PPP2CA: variants seen among roughly 807,000 people sequenced by gnomAD.
The protein encoded by PPP2CA is protein phosphatase 2 catalytic subunit alpha.
PPP2CA carries 5 observed loss-of-function variants against 38.8 expected under a neutral mutation model. That is an observed-to-expected ratio of 0.13 (90% CI 0.07 to 0.27). PPP2CA has a LOEUF of 0.27. Among genes scored for constraint, PPP2CA ranks in the 10% least tolerant of loss-of-function variants. PPP2CA has a pLI of 1.00. For missense variants in PPP2CA, 88 were observed against 389.7 expected (o/e 0.23, Z 6.52); for synonymous variants, 152 against 134.0 (o/e 1.13, Z -0.93).
chr5:134,225,652 G>C (rs536309148), intron 1 of PPP2CA, 108 bp downstream of exon 1: 1 of 960,594 alleles, frequency 1.0e-6, no homozygotes, highest in Non-Finnish European at 1.5e-6. Flanking sequence ...TCGGAGACTC[G>C]GGGGGCCCGG....
chr5:134,216,359 A>C (rs562144516), intron 1 of PPP2CA, among the ~76,000 whole-genome samples: 6 of 151,642 alleles, frequency 4.0e-5, no homozygotes, highest in Non-Finnish European at 8.8e-5. Context: ...CAACATGGCG[A>C]AACACCCCCT....
At chr5:134,220,478 A>AAAAAAG (rs1762415381) in intron 1 of PPP2CA, among the ~76,000 whole-genome samples, 1 of 146,462 alleles carries the variant, frequency 6.8e-6, no homozygotes, top group Non-Finnish European at 1.5e-5. Context: ...AAAAAAAAAA[A>AAAAAAG]GCCCACAAAA....
At chr5:134,205,331 C>A (rs1183211299) in intron 2 of PPP2CA, among the ~76,000 whole-genome samples, 1 of 151,706 alleles carries the variant, frequency 6.6e-6, no homozygotes, top group African/African-American at 2.4e-5. Flanking sequence ...CCTCTCCATA[C>A]CCCAATTTAC....
intron 2 of PPP2CA, among the ~76,000 whole-genome samples, chr5:134,202,924 T>C (rs1762000193): frequency 6.6e-6 from 1 of 152,204 alleles, no homozygotes; most frequent in African/African-American, 2.4e-5. Context: ...TTCTAATAGA[T>C]GTGAAGTAGT....
chr5:134,210,262 T>G (rs1356802731), intron 1 of PPP2CA, among the ~76,000 whole-genome samples: 1 of 152,230 alleles, frequency 6.6e-6, no homozygotes, highest in African/African-American at 2.4e-5. Context: ...AAGATGGTTA[T>G]ACAATCTCAA....
At chr5:134,198,893 ATG>A (rs200498266) in intron 6 of PPP2CA, among the ~76,000 whole-genome samples, 191 bp downstream of exon 6, 2,624 of 152,190 alleles carry the variant, frequency 0.017, 33 homozygotes, top group African/African-American at 0.038. Context: ...CATTTAAACT[ATG>A]TATTCAGGCT....
intron 1 of PPP2CA, among the ~76,000 whole-genome samples, chr5:134,209,315 A>G (rs539574701): frequency 2.0e-5 from 3 of 152,192 alleles, no homozygotes; most frequent in African/African-American, 7.2e-5. Flanking sequence ...TATTAAGTAG[A>G]TCTTAACAAA....
At chr5:134,199,343 G>T (rs1224950418) in intron 5 of PPP2CA, 139 bp from the exon 6 acceptor site, 1 of 631,262 alleles carries the variant, frequency 1.6e-6, no homozygotes, top group Non-Finnish European at 2.8e-6. Flanking sequence ...TTTTTTTCTG[G>T]ATGACTTAAT....
chr5:134,217,045 G>A (rs963798766), intron 1 of PPP2CA, among the ~76,000 whole-genome samples: 3 of 152,212 alleles, frequency 2.0e-5, no homozygotes, highest in Non-Finnish European at 2.9e-5. Flanking sequence ...ACTTTGGGAG[G>A]CCAAGGCAGG....
At chr5:134,211,003 G>T (rs910694516) in intron 1 of PPP2CA, among the ~76,000 whole-genome samples, 2 of 152,142 alleles carry the variant, frequency 1.3e-5, no homozygotes, top group East Asian at 3.8e-4. Context: ...CTTATCACAA[G>T]TAACTGTGGG....
chr5:134,205,524 G>A (rs58926951), intron 2 of PPP2CA: 1,770 of 163,792 alleles, frequency 0.011, 34 homozygotes, highest in African/African-American at 0.042. Flanking sequence ...TGGGATTACA[G>A]GCACCCGCCA....
Position 134,225,754 on chromosome 5 carries a change from G to C in PPP2CA, c.102+6C>G, listed in dbSNP as rs1341723717. Reference sequence around the variant, plus strand: ...GGCGGCTGTCCGCAGCCGTACTACAGCTCACCTTCTCGCAGAGGCTCTTGA... The same window carrying C: ...GGCGGCTGTCCGCAGCCGTACTACACCTCACCTTCTCGCAGAGGCTCTTGA... On this transcript the variant is annotated splice_donor_region_variant and intron_variant, in intron 1 of 6. Coordinates refer to ENST00000481195, the MANE Select transcript of PPP2CA (RefSeq NM_002715.4). 1.2e-6 allele frequency: 2 copies of C among 1,604,832 alleles called. No homozygotes were observed. The highest frequency in any genetic ancestry group is 1.7e-6 in the Non-Finnish European group (2 of 1,177,956).
At chr5:134,200,539 G>A (rs770945907) in intron 4 of PPP2CA, 43 bp from the exon 5 acceptor site, 1 of 1,590,480 alleles carries the variant, frequency 6.3e-7, no homozygotes, top group East Asian at 2.3e-5. Flanking sequence ...TTACAAACAT[G>A]GTTAACACAT....
chr5:134,206,320 G>A (rs1762082075), intron 1 of PPP2CA, among the ~76,000 whole-genome samples, 189 bp from the exon 2 acceptor site: 1 of 152,034 alleles, frequency 6.6e-6, no homozygotes, highest in Non-Finnish European at 1.5e-5. Flanking sequence ...CTGTTACCTA[G>A]GGAAAAAATA....
chr5:134,206,555 G>C (rs1762088661), intron 1 of PPP2CA, among the ~76,000 whole-genome samples: 1 of 152,108 alleles, frequency 6.6e-6, no homozygotes, highest in African/African-American at 2.4e-5. Context: ...CTGGAGTGCA[G>C]TAGTATGATC....
chr5:134,200,053 C>T (rs1761941666), intron 5 of PPP2CA, among the ~76,000 whole-genome samples: 1 of 152,160 alleles, frequency 6.6e-6, no homozygotes, highest in Non-Finnish European at 1.5e-5. Flanking sequence ...ATCATACATG[C>T]ACACCAACTC....
Position 134,197,701 on chromosome 5 carries a change from A to T in PPP2CA, c.*71T>A. 1 of 1,217,906 alleles carries T rather than the reference A, an allele frequency of 8.2e-7. No homozygotes were observed. The highest frequency in any genetic ancestry group is 1.2e-6 in the Non-Finnish European group (1 of 827,542). The allele number at this position is 1,217,906 out of a possible 1,614,324, so 75.4% of individuals were successfully genotyped here. The stretch of plus-strand genomic sequence containing the variant: ...AACTATTTTCTGACACTTTGGAGTT[A>T]CTGTTGCTCTTCCCATTTCCATTAG... On this transcript the variant is annotated 3_prime_UTR_variant, in exon 7 of 7. Coordinates refer to ENST00000481195, the MANE Select transcript of PPP2CA (RefSeq NM_002715.4).
At chr5:134,202,088 T>C in intron 2 of PPP2CA, 67 bp from the exon 3 acceptor site, 9 of 1,462,782 alleles carry the variant, frequency 6.2e-6, no homozygotes, top group Non-Finnish European at 8.2e-6. Context: ...TTCAAGAAAC[T>C]TTCTATAGAA....
chr5:134,212,073 C>T (rs558794304), intron 1 of PPP2CA, among the ~76,000 whole-genome samples: 5 of 151,926 alleles, frequency 3.3e-5, no homozygotes, highest in East Asian at 2.0e-4. Flanking sequence ...GAGCGGAGAC[C>T]GCACCACTGC....
Sources: gnomAD v4.1 joint callset for allele counts (sites outside exome capture counted in the v4.1 genomes callset) on GRCh38, gnomAD v4.1.1 for gene constraint, MANE v1.5 for transcripts, NCBI Gene and HGNC (gene_info 2026-07-23, HGNC 2026-07-21) for gene names.